Variants in ATP6V1A observed in about 807,000 individuals in gnomAD.
ATP6V1A encodes V-type proton ATPase catalytic subunit A.
Under a neutral mutation model 70.1 loss-of-function variants are expected in ATP6V1A, and 18 were observed. The ratio of observed to expected loss-of-function variants is 0.26; its 90% CI spans 0.18 to 0.38. The LOEUF (loss-of-function observed/expected upper bound fraction) is 0.38, where lower values mean the gene tolerates loss of function less well. Ranked by LOEUF, ATP6V1A falls within the 10% of genes least tolerant of loss-of-function variation. ATP6V1A has a pLI of 1.00. For synonymous variants in ATP6V1A, 232 were observed against 253.8 expected, an observed-to-expected ratio of 0.91 and a Z score of 0.82; for missense variants, 424 against 772.4, an observed-to-expected ratio of 0.55 and a Z score of 5.35.
chr3:113,808,431 A>G (rs1216611767), intron 14 of ATP6V1A, among the ~76,000 whole-genome samples: 2 of 151,290 alleles, frequency 1.3e-5, no homozygotes, highest in Non-Finnish European at 2.9e-5. Context: ...AGCTGGGACT[A>G]CAGGTGCACG....
chr3:113,761,660 C>T (rs995345559), intron 1 of ATP6V1A, among the ~76,000 whole-genome samples: 3 of 148,854 alleles, frequency 2.0e-5, no homozygotes, highest in Non-Finnish European at 4.5e-5. Flanking sequence ...TGCTTGAACC[C>T]GGGAGGCAGA....
At chr3:113,790,597 T>A (rs1372629678) in intron 8 of ATP6V1A, among the ~76,000 whole-genome samples, 1 of 152,180 alleles carries the variant, frequency 6.6e-6, no homozygotes, top group Admixed American at 6.5e-5. Context: ...ATTTCTACAT[T>A]TTCAGGATTT....
chr3:113,786,995 A>G (rs531361539), intron 6 of ATP6V1A, among the ~76,000 whole-genome samples: 2 of 152,110 alleles, frequency 1.3e-5, no homozygotes, highest in African/African-American at 4.8e-5. Flanking sequence ...GCCTAGGCTG[A>G]TCTCAAACTT....
At chr3:113,781,847 G>T (rs1454512843) in intron 3 of ATP6V1A, among the ~76,000 whole-genome samples, 1 of 152,130 alleles carries the variant, frequency 6.6e-6, no homozygotes, top group Non-Finnish European at 1.5e-5. Flanking sequence ...CTCTAATTAT[G>T]ATTTCAGTTT....
chr3:113,788,681 C>A lies in ATP6V1A; in HGVS notation c.717-32C>A. 3 of 1,598,584 alleles carry A rather than the reference C, an allele frequency of 1.9e-6. No homozygotes were observed. The South Asian group carries it at 3.4e-5, about 18-fold the overall frequency. Reference sequence around the variant, plus strand: ...TATTTATTAATATCTATTAGCAAGTCAAGTAATCCATACTTTGTTTTCTTT... The same window carrying A: ...TATTTATTAATATCTATTAGCAAGTAAAGTAATCCATACTTTGTTTTCTTT... On this transcript the variant is annotated intron_variant, in intron 6 of 14. Coordinates refer to ENST00000273398, the MANE Select transcript of ATP6V1A (RefSeq NM_001690.4).
At chr3:113,794,721 T>C (rs1008127488) in intron 8 of ATP6V1A, 151 bp from the exon 9 acceptor site, 1 of 827,090 alleles carries the variant, frequency 1.2e-6, no homozygotes, top group African/African-American at 1.7e-5. Context: ...CAATTCAGTG[T>C]GTGCCCAGAA....
intron 1 of ATP6V1A, among the ~76,000 whole-genome samples, chr3:113,776,062 A>G (rs1320139466): frequency 6.6e-6 from 1 of 152,120 alleles, no homozygotes; most frequent in Non-Finnish European, 1.5e-5. Context: ...GAAGCCAAAA[A>G]TCCTAATAAA....
chr3:113,749,336 C>G (rs1708559684), intron 1 of ATP6V1A, among the ~76,000 whole-genome samples: 1 of 151,462 alleles, frequency 6.6e-6, no homozygotes, highest in Non-Finnish European at 1.5e-5. Flanking sequence ...ATTTCTGAGA[C>G]TAGCCTTATC....
chr3:113,764,206 C>G (rs780220980), intron 1 of ATP6V1A, among the ~76,000 whole-genome samples: 2 of 151,584 alleles, frequency 1.3e-5, no homozygotes, highest in Non-Finnish European at 2.9e-5. Flanking sequence ...GTACTCCAGC[C>G]TGGGTGACAG....
intron 8 of ATP6V1A, among the ~76,000 whole-genome samples, chr3:113,790,251 C>A (rs546490385): frequency 4.2e-5 from 6 of 142,968 alleles, no homozygotes; most frequent in Non-Finnish European, 7.5e-5. Context: ...TGCAGCGAGC[C>A]GAGATCGCGC....
At chr3:113,764,979 C>T (rs1338069801) in intron 1 of ATP6V1A, among the ~76,000 whole-genome samples, 1 of 149,224 alleles carries the variant, frequency 6.7e-6, no homozygotes, top group Non-Finnish European at 1.5e-5. Context: ...TAAAGCCAGA[C>T]CCAGACCCTG....
chr3:113,767,534 T>C (rs1708787670), intron 1 of ATP6V1A, among the ~76,000 whole-genome samples: 1 of 152,216 alleles, frequency 6.6e-6, no homozygotes, highest in African/African-American at 2.4e-5. Context: ...GTTTTACCAT[T>C]GACCATAGGC....
At chr3:113,773,407 C>T (rs1008741326) in intron 1 of ATP6V1A, among the ~76,000 whole-genome samples, 1 of 151,952 alleles carries the variant, frequency 6.6e-6, no homozygotes, top group Non-Finnish European at 1.5e-5. Context: ...CTAAAGTGTG[C>T]CGTCTTTGGC....
chr3:113,794,417 C>G (rs142203150), intron 8 of ATP6V1A, among the ~76,000 whole-genome samples: 1,716 of 152,262 alleles, frequency 0.011, 33 homozygotes, highest in Admixed American at 0.036. Context: ...GCTATGGCAT[C>G]AAATAATTCC....
intron 8 of ATP6V1A, among the ~76,000 whole-genome samples, chr3:113,791,641 A>G (rs1227972171): frequency 6.6e-6 from 1 of 152,104 alleles, no homozygotes; most frequent in Non-Finnish European, 1.5e-5. Flanking sequence ...CAGCTGTGTA[A>G]AAAAGCTATT....
At position 113,811,937 on chromosome 3, in the gene ATP6V1A, T is replaced by G. The variant is rs1709345611; in HGVS notation, c.*2510T>G. 2 of 152,592 alleles carry G rather than the reference T, an allele frequency of 1.3e-5. No homozygotes were observed. The highest frequency in any genetic ancestry group is 2.9e-5 in the Non-Finnish European group (2 of 68,022). The allele number at this position is 152,592 out of a possible 1,614,324, so 9.5% of individuals were successfully genotyped here. On this transcript the variant is annotated 3_prime_UTR_variant, in exon 15 of 15. Transcript: ENST00000273398. ...TTTGAAAATTTCCTTCCATCCTGAA[T>G]AACGAATAGAAGAGGCCATATATAT...
Position 113,810,051 on chromosome 3 carries a change from T to A in ATP6V1A, c.*624T>A, listed in dbSNP as rs1429036464. ...TTTATTTTTTATTTTTTTTATTATTTTTTTTTTGGGGACGGAGTGTCCCTC... is the reference window on the plus strand; with the variant it reads ...TTTATTTTTTATTTTTTTTATTATTATTTTTTTGGGGACGGAGTGTCCCTC... On this transcript the variant is annotated 3_prime_UTR_variant, in exon 15 of 15. Coordinates refer to ENST00000273398, the MANE Select transcript of ATP6V1A (RefSeq NM_001690.4). The A allele has an allele frequency of 6.6e-6, 1 of 151,922 alleles. No homozygotes were observed. The highest frequency in any genetic ancestry group is 1.5e-5 in the Non-Finnish European group (1 of 67,964). 9.4% of individuals were successfully genotyped at this position (151,922 alleles called of 1,614,324 possible).
chr3:113,774,151 A>G (rs1288777361), intron 1 of ATP6V1A, among the ~76,000 whole-genome samples: 1 of 152,178 alleles, frequency 6.6e-6, no homozygotes, highest in African/African-American at 2.4e-5. Flanking sequence ...ACAGGATGCT[A>G]TAGCAGTCTA....
At chr3:113,796,047 T>C (rs1709150388) in intron 11 of ATP6V1A, 108 bp downstream of exon 11, 3 of 965,744 alleles carry the variant, frequency 3.1e-6, no homozygotes, top group African/African-American at 3.4e-5. Flanking sequence ...TAATTTAGTC[T>C]CTAAAGGATA....
Sources: gnomAD v4.1 joint callset for allele counts (sites outside exome capture counted in the v4.1 genomes callset) on GRCh38, gnomAD v4.1.1 for gene constraint, MANE v1.5 for transcripts, NCBI Gene and HGNC (gene_info 2026-07-23, HGNC 2026-07-21) for gene names.